The following PDE3B variants were observed in gnomAD, a reference collection of about 807,000 sequenced individuals.
The protein encoded by PDE3B is cGMP-inhibited 3',5'-cyclic phosphodiesterase 3B.
PDE3B carries 66 observed loss-of-function variants against 116.8 expected under a neutral mutation model. The observed-to-expected ratio is 0.56, with a 90% CI of 0.46 to 0.69. The LOEUF (loss-of-function observed/expected upper bound fraction) is 0.69, where lower values mean the gene tolerates loss of function less well. PDE3B is among the 30% of genes least tolerant of loss of function. The probability of loss-of-function intolerance (pLI) is 0.00; values close to 1 mark genes in which losing one functional copy is unlikely to be tolerated. For missense variants in PDE3B, 1,384 were observed against 1,368.1 expected, an observed-to-expected ratio of 1.01 and a Z score of -0.18; for synonymous variants, 595 against 533.6, an observed-to-expected ratio of 1.12 and a Z score of -1.59.
chr11:14,869,153 A>G (rs1404233092), intron 15 of PDE3B, among the ~76,000 whole-genome samples: 2 of 151,938 alleles, frequency 1.3e-5, no homozygotes, highest in Non-Finnish European at 2.9e-5. Flanking sequence ...TTCCCTCTCC[A>G]CCATACCCAG....
At chr11:14,804,532 G>A (rs7117967) in intron 5 of PDE3B, among the ~76,000 whole-genome samples, 21,419 of 151,770 alleles carry the variant, frequency 0.14, 2,203 homozygotes, top group African/African-American at 0.3. Context: ...TACAACATAG[G>A]AATAGCAAAG....
At chr11:14,739,083 AG>A (rs1856686753) in intron 1 of PDE3B, among the ~76,000 whole-genome samples, 2 of 152,064 alleles carry the variant, frequency 1.3e-5, no homozygotes, top group Non-Finnish European at 2.9e-5. Context: ...TTGGCTATGC[AG>A]GCCCTTTTTT....
chr11:14,871,572 T>A lies in PDE3B; in HGVS notation c.*1912T>A, dbSNP rs1385133034. ...TCTGTTATTTTATTGGGTTTTATAT[T>A]GGGTTTCTTTAGTTTATGTTGTTTT... On this transcript the variant is annotated 3_prime_UTR_variant, in exon 16 of 16. Transcript: ENST00000282096. 6.6e-6 allele frequency: 1 copy of A among 152,194 alleles called. No individual in the cohort carries two copies. Among genetic ancestry groups the A allele is most frequent in the Non-Finnish European group, 1.5e-5 (1 of 68,026 alleles). 9.4% of individuals were successfully genotyped at this position (152,194 alleles called of 1,614,324 possible). A position where few individuals can be genotyped will look rare whatever the true frequency, so the allele number is the denominator to read the frequency against.
intron 2 of PDE3B, among the ~76,000 whole-genome samples, chr11:14,785,526 A>G (rs1299190347): frequency 1.3e-5 from 2 of 152,084 alleles, no homozygotes; most frequent in Non-Finnish European, 2.9e-5. Flanking sequence ...AATTGCAAAC[A>G]TACCCAAATG....
chr11:14,762,453 C>T (rs1369727133), intron 1 of PDE3B, among the ~76,000 whole-genome samples: 1 of 152,142 alleles, frequency 6.6e-6, no homozygotes, highest in Non-Finnish European at 1.5e-5. Flanking sequence ...CTTTATTGAA[C>T]TTTCCTGGCC....
intron 1 of PDE3B, among the ~76,000 whole-genome samples, chr11:14,685,702 C>T (rs1325763267): frequency 8.6e-5 from 13 of 152,018 alleles, no homozygotes; most frequent in East Asian, 1.9e-4. Flanking sequence ...GTGATCCACG[C>T]GCCTTGACCT....
At chr11:14,883,891 A>G in the PDE3B span, among the ~76,000 whole-genome samples, 2 of 152,216 alleles carry the variant, frequency 1.3e-5, no homozygotes, top group African/African-American at 2.4e-5. Context: ...GACACTTCTC[A>G]AAAGAAGACA....
chr11:14,682,534 T>C (rs888011607), intron 1 of PDE3B, among the ~76,000 whole-genome samples: 6 of 152,192 alleles, frequency 3.9e-5, no homozygotes, highest in African/African-American at 1.4e-4. Flanking sequence ...GTTTTTATCA[T>C]GAATGAATGT....
chr11:14,896,337 T>G, the PDE3B span, among the ~76,000 whole-genome samples: 4 of 152,186 alleles, frequency 2.6e-5, no homozygotes, highest in Non-Finnish European at 4.4e-5. Flanking sequence ...GGACTTGCCA[T>G]GTGTTCTTTC....
chr11:14,823,943 G>A (rs1172063479), intron 7 of PDE3B, among the ~76,000 whole-genome samples: 2 of 152,172 alleles, frequency 1.3e-5, no homozygotes, highest in African/African-American at 4.8e-5. Context: ...TGGGAGGGGT[G>A]GGTTGCTATC....
intron 1 of PDE3B, among the ~76,000 whole-genome samples, chr11:14,668,275 T>C (rs7952393): frequency 0.015 from 2,358 of 152,214 alleles, 60 homozygotes; most frequent in African/African-American, 0.054. Context: ...GGGCCTACAT[T>C]TTTTTGCATG....
At chr11:14,722,449 T>G (rs61883643) in intron 1 of PDE3B, among the ~76,000 whole-genome samples, 29 of 152,252 alleles carry the variant, frequency 1.9e-4, no homozygotes, top group African/African-American at 6.5e-4. Context: ...AGACATGCCA[T>G]TGAGTCAAGA....
chr11:14,875,587 T>G (rs1227759743), downstream of PDE3B, among the ~76,000 whole-genome samples: 14 of 152,262 alleles, frequency 9.2e-5, no homozygotes, highest in Non-Finnish European at 1.5e-4. Flanking sequence ...TATGGCTTAC[T>G]AATTCATGCT....
intron 1 of PDE3B, among the ~76,000 whole-genome samples, chr11:14,761,606 A>C (rs1269098721): frequency 6.6e-6 from 1 of 152,168 alleles, no homozygotes; most frequent in African/African-American, 2.4e-5. Context: ...TAAAACTTTT[A>C]GTACATTTTG....
intron 1 of PDE3B, among the ~76,000 whole-genome samples, chr11:14,666,065 G>A (rs377038247): frequency 0.13 from 19,990 of 151,676 alleles, 1,523 homozygotes; most frequent in African/African-American, 0.2. Flanking sequence ...AAACAGCATG[G>A]TACTGGTACC....
the PDE3B span, chr11:14,885,657 A>G: frequency 2.7e-6 from 3 of 1,103,486 alleles, no homozygotes; most frequent in South Asian, 4.2e-5. Context: ...GGTTCTGTAA[A>G]TAAATAGTTT....
chr11:14,818,076 C>CT, intron 5 of PDE3B, 107 bp from the exon 6 acceptor site: 1 of 731,516 alleles, frequency 1.4e-6, no homozygotes, highest in Non-Finnish European at 2.2e-6. Flanking sequence ...AAATAATCTG[C>CT]TTTTTTTAAA....
chr11:14,716,603 TCCCTGAC>T (rs1373049624), intron 1 of PDE3B, among the ~76,000 whole-genome samples: 1 of 126,874 alleles, frequency 7.9e-6, no homozygotes, highest in Non-Finnish European at 1.7e-5. Context: ...CTCAAGTGGG[TCCCTGAC>T]CCCTGACCCC....
At chr11:14,710,377 A>G (rs1016171637) in intron 1 of PDE3B, among the ~76,000 whole-genome samples, 7 of 152,160 alleles carry the variant, frequency 4.6e-5, no homozygotes, top group Non-Finnish European at 8.8e-5. Flanking sequence ...TTATGGAAAT[A>G]TATCTTGTCC....
Sources: allele counts gnomAD v4.1 joint callset (sites outside exome capture counted in the v4.1 genomes callset), GRCh38; gene constraint gnomAD v4.1.1; transcripts MANE v1.5; gene names NCBI Gene and HGNC (gene_info 2026-07-23, HGNC 2026-07-21).